The following GATB variants were observed in gnomAD, a reference collection of about 807,000 sequenced individuals.
GATB encodes the protein glutamyl-tRNA(Gln) amidotransferase subunit B, mitochondrial.
In GATB, 39 loss-of-function variants were observed where a neutral mutation model predicts 62.3. That is an observed-to-expected ratio of 0.63 (90% CI 0.48 to 0.82). The LOEUF (loss-of-function observed/expected upper bound fraction) is 0.82, where lower values mean the gene tolerates loss of function less well. GATB is among the 40% of genes least tolerant of loss of function. GATB has a pLI of 0.00. For missense variants in GATB, 670 were observed against 684.0 expected (o/e 0.98, Z 0.23); for synonymous variants, 276 against 258.9 (o/e 1.07, Z -0.63).
At chr4:151,708,196 T>G in intron 5 of GATB, 95 bp from the exon 6 acceptor site, 16 of 781,938 alleles carry the variant, frequency 2.0e-5, no homozygotes, top group East Asian at 5.3e-5. Flanking sequence ...CATCTAACTC[T>G]ACCTGCTGTT....
At chr4:151,748,773 G>A (rs1739655663) in intron 2 of GATB, among the ~76,000 whole-genome samples, 1 of 152,008 alleles carries the variant, frequency 6.6e-6, no homozygotes, top group Admixed American at 6.6e-5. Context: ...TCTGACAAAG[G>A]GCTAATATCC....
At chr4:151,671,328 A>ACTT in intron 12 of GATB, 26 bp from the exon 13 acceptor site, 1 of 1,610,670 alleles carries the variant, frequency 6.2e-7, no homozygotes, top group Non-Finnish European at 8.5e-7. Context: ...TTACTTACTT[A>ACTT]AGAGGAGAAA....
At chr4:151,760,515 G>A (rs1739931416) in intron 1 of GATB, among the ~76,000 whole-genome samples, 1 of 152,200 alleles carries the variant, frequency 6.6e-6, no homozygotes, top group African/African-American at 2.4e-5. Flanking sequence ...AGTGCTATTA[G>A]TAAGATGACC....
intron 11 of GATB, among the ~76,000 whole-genome samples, chr4:151,678,126 A>G (rs908512451): frequency 1.3e-5 from 2 of 152,200 alleles, no homozygotes; most frequent in African/African-American, 4.8e-5. Context: ...AAAAAACCCC[A>G]AGGCAATGAT....
intron 10 of GATB, among the ~76,000 whole-genome samples, chr4:151,683,188 T>C (rs372050666): frequency 1.1e-5 from 1 of 90,352 alleles, no homozygotes; most frequent in South Asian, 3.5e-4. Flanking sequence ...TCTGCCCAGT[T>C]TCTTGCTTTA....
At chr4:151,711,270 G>A (rs917277872) in intron 5 of GATB, among the ~76,000 whole-genome samples, 4 of 152,182 alleles carry the variant, frequency 2.6e-5, no homozygotes, top group South Asian at 2.1e-4. Flanking sequence ...CAGCCAGAGC[G>A]GTTTTCTAAA....
intron 9 of GATB, among the ~76,000 whole-genome samples, chr4:151,695,497 G>A (rs939623716): frequency 2.6e-5 from 4 of 152,058 alleles, no homozygotes; most frequent in African/African-American, 9.7e-5. Flanking sequence ...ACTAGCATCC[G>A]GCACTGCAGT....
Position 151,679,885 on chromosome 4 carries a change from G to T in GATB, c.1338C>A (p.Val446=). 3 of 1,614,066 alleles carry T rather than the reference G, an allele frequency of 1.9e-6. No individual in the cohort carries two copies. The highest frequency in any genetic ancestry group is 2.5e-6 in the Non-Finnish European group (3 of 1,179,974). The change falls in exon 11 of 13, where the codon GTC becomes GTA. Residue 446 remains valine, a synonymous_variant. Transcript: ENST00000263985. ...GAAGCTCAGCGAGTGCAGAGGGTGT[G>T]ACAGGACTGGTGGCCCCCAAAAGAG... ...QQNLAVSESP[V]TPSALAELLD... is the part of the protein sequence containing the mutation.
At chr4:151,692,870 G>C (rs1370411551) in intron 9 of GATB, among the ~76,000 whole-genome samples, 3 of 152,174 alleles carry the variant, frequency 2.0e-5, no homozygotes, top group Non-Finnish European at 1.5e-5. Context: ...TAATTGAGCA[G>C]GTCATGCCTG....
Position 151,672,778 on chromosome 4 carries a change from T to TC in GATB, c.1528dup (p.Glu510GlyfsTer20), listed in dbSNP as rs1294762146. On this transcript the variant is annotated frameshift_variant, in exon 12 of 13. Coordinates refer to ENST00000263985, the MANE Select transcript of GATB (RefSeq NM_004564.3). LOFTEE classifies it high-confidence loss of function. ...GATAGTCACCACTTGAGGATGGGCC[T>TC]CCATCACAGAGTGGCAGAGCTGCTC... 17 of 1,614,096 alleles carry TC rather than the reference T, an allele frequency of 1.1e-5. No individual in the cohort carries two copies. The highest frequency in any genetic ancestry group is 4.0e-5 in the African/African-American group (3 of 75,048).
chr4:151,716,894 T>G lies in GATB; in HGVS notation c.622A>C (p.Ile208Leu), dbSNP rs1738923012. Residue 208 changes from isoleucine to leucine, a missense_variant, in exon 4 of 13, where the codon ATT (isoleucine) becomes CTT (leucine). Physicochemically the swap from Ile to Leu is conservative, Grantham distance 5. Transcript: ENST00000263985. ...AGCCTACCTGCCCTGTTCAAATCAATGAGCGTCTGAGACCTCAGGTTGTCG... is the reference window on the plus strand; with the variant it reads ...AGCCTACCTGCCCTGTTCAAATCAAGGAGCGTCTGAGACCTCAGGTTGTCG... ...LHDNLRSQTL[I>L]DLNRAGVGLL... 1 of 1,614,214 alleles carries G rather than the reference T, an allele frequency of 6.2e-7. No homozygotes were observed. Among genetic ancestry groups the G allele is most frequent in the East Asian group, 2.2e-5 (1 of 44,888 alleles).
In GATB at chr4:151,735,734, G is replaced by GTATATATATATATATATATATATATA. The variant is rs1491213513; in HGVS notation, c.328-16197_328-16196insTATATATATATATATATATATATATA. Among the ~76,000 whole-genome samples, 888 of 93,196 alleles carry GTATATATATATATATATATATATATA rather than the reference G, an allele frequency of 9.5e-3. 136 individuals are homozygous for GTATATATATATATATATATATATATA. Among genetic ancestry groups the GTATATATATATATATATATATATATA allele is most frequent in the African/African-American group, 0.014 (242 of 17,818 alleles). 61.1% of individuals were successfully genotyped at this position (93,196 alleles called of 152,430 possible). ...TCAACAAGTGGATAAATAAACTGTG[G>GTATATATATATATATATATATATATA]TGTATATATATATATATATATATGA... On this transcript the variant is annotated intron_variant, in intron 2 of 12. Transcript: ENST00000263985.
Position 151,731,325 on chromosome 4 carries a change from C to T in GATB, c.328-11787G>A, listed in dbSNP as rs185792467. 7.4e-4 allele frequency among the ~76,000 whole-genome samples: 113 copies of T among 152,336 alleles called. 1 individual carries two copies. The highest frequency in any genetic ancestry group is 1.2e-3 in the Non-Finnish European group (81 of 68,030). On this transcript the variant is annotated intron_variant, in intron 2 of 12. Transcript: ENST00000263985. ...GGAGACGGGGTTTCGCCATGTTGGCCGGGCTGATCTCCAGCTCCTAATCAC... is the reference window on the plus strand; with the variant it reads ...GGAGACGGGGTTTCGCCATGTTGGCTGGGCTGATCTCCAGCTCCTAATCAC...
At chr4:151,712,817 A>G (rs1738844131) in intron 5 of GATB, among the ~76,000 whole-genome samples, 1 of 152,220 alleles carries the variant, frequency 6.6e-6, no homozygotes, top group African/African-American at 2.4e-5. Flanking sequence ...TAGTACATTC[A>G]TTAGTACATT....
chr4:151,743,500 T>C (rs1217881742), intron 2 of GATB, among the ~76,000 whole-genome samples: 1 of 152,214 alleles, frequency 6.6e-6, no homozygotes, highest in East Asian at 1.9e-4. Context: ...GAGATTAATG[T>C]TTTTGGATGT....
At chr4:151,699,305 C>T (rs776491199) in intron 9 of GATB, among the ~76,000 whole-genome samples, 6 of 149,996 alleles carry the variant, frequency 4.0e-5, no homozygotes, top group Non-Finnish European at 5.9e-5. Flanking sequence ...GGGAGGATGT[C>T]TTGAATCTGG....
intron 2 of GATB, among the ~76,000 whole-genome samples, chr4:151,750,074 G>C (rs1025274473): frequency 6.6e-6 from 1 of 152,154 alleles, no homozygotes; most frequent in African/African-American, 2.4e-5. Context: ...GTAGAGACAG[G>C]GTTTCACCGT....
chr4:151,752,151 G>A (rs1739734003), intron 2 of GATB, among the ~76,000 whole-genome samples: 1 of 152,164 alleles, frequency 6.6e-6, no homozygotes, highest in African/African-American at 2.4e-5. Context: ...TATAAGTGCT[G>A]CTGTTGAAAA....
intron 9 of GATB, among the ~76,000 whole-genome samples, chr4:151,689,533 G>A (rs749402844): frequency 6.6e-6 from 1 of 152,158 alleles, no homozygotes; most frequent in Non-Finnish European, 1.5e-5. Context: ...AGCCCCACGA[G>A]TCAGGGCTGT....
Sources: allele counts gnomAD v4.1 joint callset (sites outside exome capture counted in the v4.1 genomes callset), GRCh38; gene constraint gnomAD v4.1.1; transcripts MANE v1.5; gene names NCBI Gene and HGNC (gene_info 2026-07-23, HGNC 2026-07-21).